Variants in NXPE4 observed in about 807,000 individuals in gnomAD.
The protein encoded by NXPE4 is neurexophilin and PC-esterase domain family member 4.
A neutral mutation model predicts 33.3 loss-of-function variants in NXPE4; 42 were observed. The observed-to-expected ratio is 1.26, with a 90% CI of 0.98 to 1.63. The LOEUF is 1.63. NXPE4 is among the 40% of genes most tolerant of loss of function. NXPE4 has a pLI of 0.00. For missense variants in NXPE4, 709 were observed against 647.6 expected, an observed-to-expected ratio of 1.09 and a Z score of -1.03; for synonymous variants, 253 against 234.9, an observed-to-expected ratio of 1.08 and a Z score of -0.71.
chr11:114,625,746 C>T, the NXPE4 span, among the ~76,000 whole-genome samples: 1 of 152,148 alleles, frequency 6.6e-6, no homozygotes, highest in East Asian at 1.9e-4. Context: ...GTGATTTCTG[C>T]ATTTCCATCT....
the NXPE4 span, among the ~76,000 whole-genome samples, chr11:114,618,179 C>T: frequency 9.0e-3 from 1,365 of 151,850 alleles, 21 homozygotes; most frequent in African/African-American, 0.031. Context: ...CATTGGTACC[C>T]GGTGGATACT....
At chr11:114,653,332 C>G in the NXPE4 span, among the ~76,000 whole-genome samples, 1 of 152,138 alleles carries the variant, frequency 6.6e-6, no homozygotes, top group Non-Finnish European at 1.5e-5. Context: ...TCAGTCTGTT[C>G]TTGGTACTTT....
chr11:114,583,580 T>C, intron 2 of NXPE4: 2 of 595,338 alleles, frequency 3.4e-6, no homozygotes, highest in Non-Finnish European at 6.7e-6. Flanking sequence ...GTTTGACTTC[T>C]GTCAGTTGTC....
At chr11:114,664,428 G>A in the NXPE4 span, among the ~76,000 whole-genome samples, 3 of 151,864 alleles carry the variant, frequency 2.0e-5, no homozygotes, top group African/African-American at 4.8e-5. Context: ...TTACATTATC[G>A]TCGAAACTTA....
At chr11:114,651,849 C>G in the NXPE4 span, among the ~76,000 whole-genome samples, 2 of 152,160 alleles carry the variant, frequency 1.3e-5, no homozygotes, top group African/African-American at 4.8e-5. Context: ...GAAAAGTTCT[C>G]CAAGTCCCCA....
At chr11:114,594,832 A>C in intron 1 of NXPE4, 63 bp from the exon 2 acceptor site, 8 of 858,462 alleles carry the variant, frequency 9.3e-6, no homozygotes, top group Non-Finnish European at 1.1e-5. Context: ...GCAAACAAAC[A>C]TGGGAAACAT....
At chr11:114,642,111 C>G in the NXPE4 span, among the ~76,000 whole-genome samples, 1 of 151,870 alleles carries the variant, frequency 6.6e-6, no homozygotes, top group Admixed American at 6.6e-5. Context: ...CTGGCAAACA[C>G]TACCTCAGCT....
At chr11:114,639,649 A>C in the NXPE4 span, among the ~76,000 whole-genome samples, 1 of 143,922 alleles carries the variant, frequency 6.9e-6, no homozygotes, top group East Asian at 2.0e-4. Context: ...TAATTTATTT[A>C]TATATAATTT....
rs187692534 is a variant in NXPE4, at chr11:114,589,494, A to G, written c.96+5170T>C. On this transcript the variant is annotated intron_variant, in intron 2 of 5. Coordinates refer to ENST00000375478, the MANE Select transcript of NXPE4 (RefSeq NM_001077639.2). ...ACCCCTTAGGTGCAGTTGGGGGGACATATTATTTACATGTGCCTTTTAAAT... is the reference window on the plus strand; with the variant it reads ...ACCCCTTAGGTGCAGTTGGGGGGACGTATTATTTACATGTGCCTTTTAAAT... Among the ~76,000 whole-genome samples, 164 of 152,204 alleles carry G rather than the reference A, an allele frequency of 1.1e-3. 1 individual carries two copies. Among genetic ancestry groups the G allele is most frequent in the African/African-American group, 3.7e-3 (153 of 41,506 alleles).
chr11:114,582,077 T>A (rs757552808), intron 3 of NXPE4, among the ~76,000 whole-genome samples: 4 of 151,718 alleles, frequency 2.6e-5, no homozygotes, highest in Non-Finnish European at 2.9e-5. Context: ...CTGTATATAT[T>A]TTTTTCCCAT....
At chr11:114,578,922 C>T (rs983738994) in intron 5 of NXPE4, among the ~76,000 whole-genome samples, 1 of 152,160 alleles carries the variant, frequency 6.6e-6, no homozygotes, top group African/African-American at 2.4e-5. Flanking sequence ...GCCACTATGC[C>T]TTGCAATGTG....
chr11:114,629,097 G>A, the NXPE4 span, among the ~76,000 whole-genome samples: 1 of 152,044 alleles, frequency 6.6e-6, no homozygotes, highest in Non-Finnish European at 1.5e-5. Flanking sequence ...AGAGGTACAA[G>A]GAGGAACTGG....
chr11:114,632,699 T>C, the NXPE4 span, among the ~76,000 whole-genome samples: 1 of 71,954 alleles, frequency 1.4e-5, no homozygotes, highest in Admixed American at 2.8e-4. Context: ...TTTATATATT[T>C]ATATAATATA....
intron 4 of NXPE4, among the ~76,000 whole-genome samples, chr11:114,580,750 C>G (rs976744933): frequency 6.6e-6 from 1 of 152,108 alleles, no homozygotes; most frequent in African/African-American, 2.4e-5. Context: ...AAATATAAAT[C>G]CTTTGAGTTA....
the NXPE4 span, among the ~76,000 whole-genome samples, chr11:114,638,621 G>C: frequency 6.6e-6 from 1 of 151,988 alleles, no homozygotes; most frequent in African/African-American, 2.4e-5. Context: ...TTTGATGATG[G>C]TGATGTACAG....
the NXPE4 span, among the ~76,000 whole-genome samples, chr11:114,609,911 C>A: frequency 1.3e-5 from 2 of 151,518 alleles, no homozygotes; most frequent in African/African-American, 4.8e-5. Context: ...TGGGTAACTA[C>A]CATTAACCGG....
chr11:114,654,483 C>A, the NXPE4 span, among the ~76,000 whole-genome samples: 3 of 152,068 alleles, frequency 2.0e-5, no homozygotes, highest in African/African-American at 7.2e-5. Flanking sequence ...CCACCCCAAC[C>A]CCCAACAGGC....
intron 2 of NXPE4, among the ~76,000 whole-genome samples, chr11:114,593,133 A>G (rs1328288392): frequency 6.6e-6 from 1 of 151,990 alleles, no homozygotes; most frequent in Non-Finnish European, 1.5e-5. Flanking sequence ...ATTTTTGGAT[A>G]AGACCTCAAA....
chr11:114,652,557 T>C, the NXPE4 span, among the ~76,000 whole-genome samples: 7 of 152,344 alleles, frequency 4.6e-5, no homozygotes, highest in East Asian at 1.4e-3. Flanking sequence ...AGATGGTCCA[T>C]GTAAAATGCT....
Sources: gnomAD v4.1 joint callset for allele counts (sites outside exome capture counted in the v4.1 genomes callset) on GRCh38, gnomAD v4.1.1 for gene constraint, MANE v1.5 for transcripts, NCBI Gene and HGNC (gene_info 2026-07-23, HGNC 2026-07-21) for gene names.